The following TDRD1 variants were observed in gnomAD, a reference collection of about 807,000 sequenced individuals.
TDRD1 encodes the protein tudor domain-containing protein 1.
Under a neutral mutation model 140.6 loss-of-function variants are expected in TDRD1, and 37 were observed. The observed-to-expected ratio is 0.26, with a 90% CI of 0.20 to 0.35. The LOEUF is 0.35. Among genes scored for constraint, TDRD1 ranks in the 10% least tolerant of loss-of-function variants. TDRD1 has a pLI of 1.00. For synonymous variants in TDRD1, 506 were observed against 475.7 expected (o/e 1.06, Z -0.83); for missense variants, 1,243 against 1,393.0 (o/e 0.89, Z 1.71).
chr10:114,182,459 C>G (rs905230861), intron 1 of TDRD1, among the ~76,000 whole-genome samples: 1 of 152,082 alleles, frequency 6.6e-6, no homozygotes, highest in East Asian at 1.9e-4. Flanking sequence ...GTGAGTCTAA[C>G]GCGGATGTTG....
At chr10:114,177,834 C>CT (rs34189756), upstream of TDRD1, among the ~76,000 whole-genome samples, 9,417 of 131,050 alleles carry the variant, frequency 0.072, 427 homozygotes, top group South Asian at 0.093. Context: ...CTTTCTTTTT[C>CT]TTTTTTTTTT....
At chr10:114,189,517 G>T (rs2033803527) in intron 2 of TDRD1, among the ~76,000 whole-genome samples, 1 of 152,160 alleles carries the variant, frequency 6.6e-6, no homozygotes, top group African/African-American at 2.4e-5. Flanking sequence ...TAGGAAACTT[G>T]TGTCTGCCAC....
intron 3 of TDRD1, among the ~76,000 whole-genome samples, chr10:114,196,044 T>A (rs992564777): frequency 6.6e-6 from 1 of 152,256 alleles, no homozygotes; most frequent in Non-Finnish European, 1.5e-5. Flanking sequence ...TTACATATTC[T>A]ATCTCAGATT....
intron 3 of TDRD1, among the ~76,000 whole-genome samples, chr10:114,196,414 C>T (rs191452205): frequency 2.0e-4 from 30 of 152,190 alleles, no homozygotes; most frequent in Middle Eastern, 3.4e-3. Flanking sequence ...AGATATTTTC[C>T]TTGGATAAGT....
At chr10:114,224,127 C>T (rs2036303867) in intron 21 of TDRD1, among the ~76,000 whole-genome samples, 1 of 152,180 alleles carries the variant, frequency 6.6e-6, no homozygotes, top group Non-Finnish European at 1.5e-5. Context: ...GCATGTAAGA[C>T]AAATTTTCTG....
At chr10:114,178,316 T>G (rs1390354904), upstream of TDRD1, among the ~76,000 whole-genome samples, 4 of 152,202 alleles carry the variant, frequency 2.6e-5, no homozygotes, top group Non-Finnish European at 4.4e-5. Context: ...GAATTTCTGT[T>G]AAACTACTCC....
chr10:114,188,307 A>T (rs1236416569), intron 2 of TDRD1, 151 bp downstream of exon 2: 3 of 724,706 alleles, frequency 4.1e-6, no homozygotes, highest in Non-Finnish European at 4.2e-6. Flanking sequence ...TTTAGAAGGA[A>T]AAACCAGATA....
intron 17 of TDRD1, 52 bp downstream of exon 17, chr10:114,217,707 T>C (rs1589704947): frequency 1.0e-6 from 1 of 953,702 alleles, no homozygotes; most frequent in Non-Finnish European, 1.6e-6. Context: ...ATTTCTTAAC[T>C]TAACCTTATT....
intron 3 of TDRD1, among the ~76,000 whole-genome samples, chr10:114,193,656 T>C (rs35044419): frequency 0.084 from 12,757 of 152,238 alleles, 660 homozygotes; most frequent in Middle Eastern, 0.15. Context: ...ATACTGCAAA[T>C]AGGGACAGTT....
At chr10:114,229,966 G>T (rs1209230438) in intron 25 of TDRD1, among the ~76,000 whole-genome samples, 2 of 151,998 alleles carry the variant, frequency 1.3e-5, no homozygotes, top group South Asian at 2.1e-4. Flanking sequence ...AAGTAGCTGG[G>T]ACTATAGGTG....
At chr10:114,204,854 G>A in exon 10 of TDRD1, 3 of 1,596,460 alleles carry the variant, frequency 1.9e-6, no homozygotes, top group South Asian at 2.3e-5. Context: ...GGAAGAGGAA[G>A]TGGTTACCTT....
chr10:114,229,546 T>C (rs1308743799), intron 25 of TDRD1, among the ~76,000 whole-genome samples: 1 of 140,252 alleles, frequency 7.1e-6, no homozygotes, highest in African/African-American at 2.7e-5. Context: ...AATCTTTTAA[T>C]CTTTTTTTTT....
At chr10:114,223,002 A>G (rs1376290475) in intron 21 of TDRD1, among the ~76,000 whole-genome samples, 2 of 152,180 alleles carry the variant, frequency 1.3e-5, no homozygotes, top group Non-Finnish European at 1.5e-5. Flanking sequence ...TTCTTTATGG[A>G]GGGGTTGCAA....
chr10:114,176,141 T>C (rs1230274839), upstream of TDRD1, among the ~76,000 whole-genome samples: 1 of 152,160 alleles, frequency 6.6e-6, no homozygotes, highest in Non-Finnish European at 1.5e-5. This position sits in a 1 kb window ranked among gnomAD's most constrained non-coding sequence, Gnocchi z 4.2. Flanking sequence ...TGGATGGGGC[T>C]GGCACCACTT....
intron 8 of TDRD1, 109 bp downstream of exon 8, chr10:114,203,676 G>A: frequency 1.0e-6 from 1 of 975,702 alleles, no homozygotes; most frequent in Non-Finnish European, 1.5e-6. Flanking sequence ...GCCAGCCTCT[G>A]ATCACGCTTC....
chr10:114,208,756 ACATT>A (rs1428642403), intron 11 of TDRD1, among the ~76,000 whole-genome samples: 1 of 151,808 alleles, frequency 6.6e-6, no homozygotes, highest in African/African-American at 2.4e-5. Flanking sequence ...CATCTGACAT[ACATT>A]AGATGTTTAA....
intron 25 of TDRD1, chr10:114,231,382 C>T (rs904810979): frequency 3.1e-6 from 3 of 960,324 alleles, no homozygotes; most frequent in African/African-American, 3.3e-5. Flanking sequence ...TGCGTAATTT[C>T]AGTTAAAAGT....
At chr10:114,210,524 T>A in intron 11 of TDRD1, 57 bp from the exon 12 acceptor site, 4 of 1,486,996 alleles carry the variant, frequency 2.7e-6, no homozygotes, top group African/African-American at 1.4e-5. Flanking sequence ...GTGCATAATT[T>A]TTTTTTTACT....
intron 3 of TDRD1, 28 bp downstream of exon 3, chr10:114,191,047 G>T (rs1246635508): frequency 1.9e-6 from 3 of 1,603,328 alleles, no homozygotes; most frequent in Non-Finnish European, 2.6e-6. Context: ...GTGTGTGCTT[G>T]TTTGGGTAAA....
Sources: gnomAD v4.1 joint callset for allele counts (sites outside exome capture counted in the v4.1 genomes callset) on GRCh38, gnomAD v4.1.1 for gene constraint, Gnocchi (gnomAD v3.1) non-coding constraint, MANE v1.5 for transcripts, NCBI Gene and HGNC (gene_info 2026-07-23, HGNC 2026-07-21) for gene names.